The following TNR variants were observed in gnomAD, a reference collection of about 807,000 sequenced individuals.
TNR encodes the protein tenascin-R.
Under a neutral mutation model 150.4 loss-of-function variants are expected in TNR, and 45 were observed. The observed-to-expected ratio is 0.30, with a 90% CI of 0.24 to 0.38. The LOEUF is 0.38. TNR is among the 10% of genes least tolerant of loss of function. The pLI, the probability that TNR is intolerant of heterozygous loss-of-function variation, is 1.00. For missense variants in TNR, 1,544 were observed against 1,759.1 expected (o/e 0.88, Z 2.19); for synonymous variants, 687 against 678.4 (o/e 1.01, Z -0.20).
intron 1 of TNR, among the ~76,000 whole-genome samples, chr1:175,625,191 T>C (rs1286955762): frequency 1.4e-4 from 22 of 152,268 alleles, no homozygotes; most frequent in Admixed American, 1.4e-3. Flanking sequence ...TAGTCCTTTC[T>C]GATGTTTTTT....
chr1:175,632,052 C>T (rs551968496), intron 1 of TNR, among the ~76,000 whole-genome samples: 8 of 152,260 alleles, frequency 5.3e-5, no homozygotes, highest in Admixed American at 3.9e-4. Context: ...ATCAAAGTGC[C>T]CCAAGGGGCA....
intron 1 of TNR, among the ~76,000 whole-genome samples, chr1:175,552,984 T>C (rs1661005171): frequency 6.6e-6 from 1 of 152,196 alleles, no homozygotes; most frequent in African/African-American, 2.4e-5. Context: ...GCCCTCTTGA[T>C]GAGAACCATG....
chr1:175,347,244 A>G (rs1650837658), intron 18 of TNR, among the ~76,000 whole-genome samples: 1 of 152,172 alleles, frequency 6.6e-6, no homozygotes, highest in Admixed American at 6.5e-5. Context: ...AAACCATTTG[A>G]TAAAGTTTAA....
At chr1:175,423,214 C>G (rs1201622258) in intron 2 of TNR, among the ~76,000 whole-genome samples, 1 of 152,160 alleles carries the variant, frequency 6.6e-6, no homozygotes, top group African/African-American at 2.4e-5. Context: ...TATAAAGAAG[C>G]ACCTGGTGTT....
rs1175447360 is a variant in TNR, at chr1:175,544,263, G to C, written c.-164-15894C>G. Among the ~76,000 whole-genome samples, 3 of 152,292 alleles carry C rather than the reference G, an allele frequency of 2.0e-5. No individual in the cohort carries two copies. In the East Asian group the frequency reaches 5.8e-4, roughly 29 times the overall value. ...GACTGAAGCATGCAGGCCAGTTAGA[G>C]AATAACTGATGGCTAAAATTCAAGC... is the stretch of plus-strand genomic sequence containing the variant. On this transcript the variant is annotated intron_variant, in intron 1 of 22. Transcript: ENST00000367674.
chr1:175,564,430 C>T (rs1418963619), intron 1 of TNR, among the ~76,000 whole-genome samples: 3 of 152,202 alleles, frequency 2.0e-5, no homozygotes, highest in East Asian at 1.9e-4. Flanking sequence ...TAGAAAATCT[C>T]GTGAGTGGTG....
chr1:175,466,338 C>G (rs975992751), intron 2 of TNR, among the ~76,000 whole-genome samples: 3 of 152,148 alleles, frequency 2.0e-5, no homozygotes, highest in Non-Finnish European at 2.9e-5. Context: ...CTCAGAGTCC[C>G]CTGAAAAATC....
chr1:175,595,748 T>C (rs1026256111), intron 1 of TNR, among the ~76,000 whole-genome samples: 1 of 152,158 alleles, frequency 6.6e-6, no homozygotes, highest in African/African-American at 2.4e-5. Context: ...CCTAGCTAGT[T>C]AAAAATCGTT....
chr1:175,719,192 C>T (rs1349539969), intron 1 of TNR, among the ~76,000 whole-genome samples: 1 of 152,190 alleles, frequency 6.6e-6, no homozygotes, highest in African/African-American at 2.4e-5. Flanking sequence ...TATGGAGTAC[C>T]CCAAGCCTCA....
At chr1:175,473,329 A>AATT (rs1263041064) in intron 2 of TNR, among the ~76,000 whole-genome samples, 2 of 152,138 alleles carry the variant, frequency 1.3e-5, no homozygotes, top group Non-Finnish European at 2.9e-5. Context: ...ATGCACACAC[A>AATT]TGCTCATCAC....
At chr1:175,446,131 A>T (rs1656036399) in intron 2 of TNR, among the ~76,000 whole-genome samples, 1 of 151,936 alleles carries the variant, frequency 6.6e-6, no homozygotes, top group Non-Finnish European at 1.5e-5. Flanking sequence ...TTCCGAGAGG[A>T]GGGTTTCTAA....
chr1:175,586,625 C>A (rs1021691665), intron 1 of TNR, among the ~76,000 whole-genome samples: 2 of 152,148 alleles, frequency 1.3e-5, no homozygotes, highest in African/African-American at 4.8e-5. Context: ...TTATTCTTAT[C>A]ATTCCTTCCT....
chr1:175,568,836 G>A (rs1661750744), intron 1 of TNR, among the ~76,000 whole-genome samples: 2 of 152,170 alleles, frequency 1.3e-5, no homozygotes, highest in Non-Finnish European at 2.9e-5. Flanking sequence ...ATGAAGGCAA[G>A]GCAGTTTCAC....
intron 1 of TNR, among the ~76,000 whole-genome samples, chr1:175,552,377 G>A (rs934822752): frequency 6.6e-6 from 1 of 152,218 alleles, no homozygotes; most frequent in African/African-American, 2.4e-5. Flanking sequence ...GGACCCAACT[G>A]CAGAGAGCTG....
At chr1:175,690,759 A>G (rs1457121451) in intron 1 of TNR, among the ~76,000 whole-genome samples, 1 of 152,232 alleles carries the variant, frequency 6.6e-6, no homozygotes, top group African/African-American at 2.4e-5. Flanking sequence ...GTATTGGAGT[A>G]GAACAAAAGA....
chr1:175,722,680 G>T (rs930353054), intron 1 of TNR, among the ~76,000 whole-genome samples: 9 of 152,006 alleles, frequency 5.9e-5, no homozygotes, highest in African/African-American at 2.2e-4. Flanking sequence ...GCTCACACTG[G>T]TCTTGAACTC....
At chr1:175,711,609 G>T (rs988981023) in intron 1 of TNR, among the ~76,000 whole-genome samples, 13 of 152,318 alleles carry the variant, frequency 8.5e-5, no homozygotes, top group African/African-American at 2.9e-4. Context: ...AGGAGCGAGG[G>T]ACTGGGGAGA....
At chr1:175,738,692 GC>G (rs1394393274) in intron 1 of TNR, among the ~76,000 whole-genome samples, 1 of 152,196 alleles carries the variant, frequency 6.6e-6, no homozygotes, top group Admixed American at 6.5e-5. Flanking sequence ...AATTCCCTTT[GC>G]CAATTGGCAT....
chr1:175,315,677 C>T lies in TNR; in HGVS notation c.*7680G>A, dbSNP rs1207269417. The T allele has an allele frequency of 1.3e-5, 2 of 152,218 alleles. No individual in the cohort carries two copies. Among genetic ancestry groups the T allele is most frequent in the Admixed American group, 6.5e-5 (1 of 15,282 alleles). 9.4% of individuals were successfully genotyped at this position (152,218 alleles called of 1,614,324 possible). ...TGCTCGGAGCCCCAGTTAATGACCC[C>T]CTCAGTGTCACAGTGATTTGCTTAG... On this transcript the variant is annotated 3_prime_UTR_variant, in exon 23 of 23. Transcript: ENST00000367674.
Sources: allele counts gnomAD v4.1 joint callset (sites outside exome capture counted in the v4.1 genomes callset), GRCh38; gene constraint gnomAD v4.1.1; transcripts MANE v1.5; gene names NCBI Gene and HGNC (gene_info 2026-07-23, HGNC 2026-07-21).